Variants in CCDC28A observed in about 807,000 individuals in gnomAD.
CCDC28A encodes the protein coiled-coil domain-containing protein 28A.
Under a neutral mutation model 22.1 loss-of-function variants are expected in CCDC28A, and 24 were observed. The observed-to-expected ratio is 1.09, with a 90% CI of 0.79 to 1.53. CCDC28A has a LOEUF of 1.53. CCDC28A is among the 40% of genes most tolerant of loss of function. CCDC28A has a pLI of 0.00. For synonymous variants in CCDC28A, 83 were observed against 74.7 expected, an observed-to-expected ratio of 1.11 and a Z score of -0.57; for missense variants, 170 against 210.7, an observed-to-expected ratio of 0.81 and a Z score of 1.20.
chr6:138,790,367 T>G (rs936164335), intron 5 of CCDC28A, among the ~76,000 whole-genome samples: 1 of 152,182 alleles, frequency 6.6e-6, no homozygotes, highest in African/African-American at 2.4e-5. Flanking sequence ...GCCAGGCTGG[T>G]CTTGAACTCC....
In CCDC28A at chr6:138,779,730, T is replaced by A. The variant is rs773024961; in HGVS notation, c.159-92T>A. ...GTATTGACTCTATTTGATTTCTTGC[T>A]TTTAAGGGAAATTCCATTTACTTCA... is the stretch of plus-strand genomic sequence containing the variant. On this transcript the variant is annotated intron_variant, in intron 2 of 5. Transcript: ENST00000617445. 3.1e-5 allele frequency: 30 copies of A among 976,690 alleles called. No individual in the cohort carries two copies. In the Middle Eastern group the frequency reaches 4.1e-3, roughly 133 times the overall value. 60.5% of individuals were successfully genotyped at this position (976,690 alleles called of 1,614,324 possible).
chr6:138,780,529 G>A (rs1774999399), intron 3 of CCDC28A, among the ~76,000 whole-genome samples: 1 of 151,524 alleles, frequency 6.6e-6, no homozygotes, highest in Non-Finnish European at 1.5e-5. Flanking sequence ...GTGCAGTCTG[G>A]AACTTATTTG....
intron 3 of CCDC28A, among the ~76,000 whole-genome samples, chr6:138,780,278 T>G (rs1353797627): frequency 1.3e-5 from 2 of 152,226 alleles, no homozygotes; most frequent in Admixed American, 6.5e-5. Flanking sequence ...CTTGGTCAGT[T>G]AAAATATTTT....
intron 2 of CCDC28A, among the ~76,000 whole-genome samples, chr6:138,778,402 G>A (rs552527544): frequency 6.6e-6 from 1 of 152,242 alleles, no homozygotes; most frequent in South Asian, 2.1e-4. Context: ...TCTCTGGTTG[G>A]TCCCACGCTG....
chr6:138,788,568 C>CTTTTTTTT lies in CCDC28A; in HGVS notation c.500+196_500+203dup, dbSNP rs3070099. ...TTCTTTTCTTTCTCTTTTTTCTTTT[C>CTTTTTTTT]TTTTTTTTTTTTTTTTTTTTTTTCA... On this transcript the variant is annotated intron_variant, in intron 5 of 5. Transcript: ENST00000617445. Among the ~76,000 whole-genome samples, 34 of 92,978 alleles carry CTTTTTTTT rather than the reference C, an allele frequency of 3.7e-4. 4 individuals carry two copies. The highest frequency in any genetic ancestry group is 5.6e-4 in the African/African-American group (11 of 19,588). 61.0% of individuals were successfully genotyped at this position (92,978 alleles called of 152,430 possible).
chr6:138,775,974 T>A (rs1774924766), intron 1 of CCDC28A, 105 bp from the exon 2 acceptor site: 2 of 912,788 alleles, frequency 2.2e-6, no homozygotes, highest in African/African-American at 3.4e-5. Flanking sequence ...TCTTATGCCC[T>A]CTGGAATTCT....
At chr6:138,792,163 T>A (rs1775179626) in intron 5 of CCDC28A, among the ~76,000 whole-genome samples, 1 of 152,238 alleles carries the variant, frequency 6.6e-6, no homozygotes, top group African/African-American at 2.4e-5. Flanking sequence ...TCAAAAGATT[T>A]TTTTAATCTA....
chr6:138,774,768 TG>T (rs1453261517), intron 1 of CCDC28A, among the ~76,000 whole-genome samples: 1 of 152,256 alleles, frequency 6.6e-6, no homozygotes, highest in African/African-American at 2.4e-5. Context: ...TGAATGGTCA[TG>T]GCATGCCTAA....
intron 2 of CCDC28A, 78 bp downstream of exon 2, chr6:138,776,356 T>C (rs1774934618): frequency 8.2e-7 from 1 of 1,212,634 alleles, no homozygotes; most frequent in South Asian, 1.2e-5. Context: ...TTAAACACTT[T>C]TTTAGTCTTG....
intron 3 of CCDC28A, 63 bp downstream of exon 3, chr6:138,780,048 T>A (rs1774994158): frequency 8.1e-7 from 1 of 1,236,308 alleles, no homozygotes; most frequent in South Asian, 1.8e-5. Context: ...GTTTTCTGTG[T>A]GTATTTTACT....
intron 5 of CCDC28A, among the ~76,000 whole-genome samples, chr6:138,792,529 T>TA (rs35659416): frequency 0.28 from 39,724 of 143,650 alleles, 5,771 homozygotes; most frequent in African/African-American, 0.41. Context: ...CTCTAAAATT[T>TA]AAAAAAAAAA....
intron 2 of CCDC28A, among the ~76,000 whole-genome samples, chr6:138,777,894 A>G (rs1774959245): frequency 6.6e-6 from 1 of 152,184 alleles, no homozygotes; most frequent in Non-Finnish European, 1.5e-5. Flanking sequence ...AAATGTGAAT[A>G]TGGATCTCTC....
intron 5 of CCDC28A, among the ~76,000 whole-genome samples, chr6:138,789,936 G>A (rs1323220344): frequency 6.6e-6 from 1 of 152,212 alleles, no homozygotes; most frequent in Non-Finnish European, 1.5e-5. Flanking sequence ...AGTGGGTGGT[G>A]TTATGCCCCC....
chr6:138,788,154 T>A (rs1439092087), intron 4 of CCDC28A, among the ~76,000 whole-genome samples: 1 of 151,680 alleles, frequency 6.6e-6, no homozygotes, highest in Non-Finnish European at 1.5e-5. Flanking sequence ...AGAGAGGAGG[T>A]CTTACCATGT....
chr6:138,789,514 T>C (rs1775139025), intron 5 of CCDC28A, among the ~76,000 whole-genome samples: 1 of 152,232 alleles, frequency 6.6e-6, no homozygotes, highest in African/African-American at 2.4e-5. Flanking sequence ...AACTGCTGAA[T>C]TGTGCAGTAA....
At chr6:138,780,650 C>T (rs1355291435) in intron 3 of CCDC28A, among the ~76,000 whole-genome samples, 1 of 149,708 alleles carries the variant, frequency 6.7e-6, no homozygotes, top group East Asian at 2.0e-4. Flanking sequence ...TCTCGGCTCA[C>T]TGCAACCTCC....
intron 5 of CCDC28A, among the ~76,000 whole-genome samples, chr6:138,789,407 G>A (rs1775137448): frequency 6.6e-6 from 1 of 151,972 alleles, no homozygotes; most frequent in Non-Finnish European, 1.5e-5. Context: ...TGTAATACAG[G>A]GTAATTGCTA....
At chr6:138,784,831 C>T (rs1354781140) in intron 3 of CCDC28A, among the ~76,000 whole-genome samples, 8 of 151,792 alleles carry the variant, frequency 5.3e-5, no homozygotes, top group African/African-American at 1.5e-4. Flanking sequence ...ATAGCTGGGA[C>T]TACAGGCACG....
In CCDC28A at chr6:138,779,919, C is replaced by A; in HGVS notation, c.256C>A (p.Gln86Lys). 6.2e-7 allele frequency: 1 copy of A among 1,613,838 alleles called. No homozygotes were observed. ...HSFLTDVSDV[Q>K]EMERGLLSLL... ...CTTCCTCACTGATGTCTCAGATGTTCAGGAGATGGAGAGAGGGCTGCTCAG... is the reference window on the plus strand; with the variant it reads ...CTTCCTCACTGATGTCTCAGATGTTAAGGAGATGGAGAGAGGGCTGCTCAG... Residue 86 changes from glutamine to lysine, a missense_variant, in exon 3 of 6, where the codon CAG becomes AAG. Physicochemically the swap from Gln to Lys is moderately conservative, Grantham distance 53. Coordinates refer to ENST00000617445, the MANE Select transcript of CCDC28A (RefSeq NM_015439.3).
Sources: allele counts gnomAD v4.1 joint callset (sites outside exome capture counted in the v4.1 genomes callset), GRCh38; gene constraint gnomAD v4.1.1; transcripts MANE v1.5; gene names NCBI Gene and HGNC (gene_info 2026-07-23, HGNC 2026-07-21).